CNTNAP2: variants seen among roughly 807,000 people sequenced by gnomAD.
CNTNAP2 encodes the protein contactin-associated protein-like 2.
CNTNAP2 carries 98 observed loss-of-function variants against 155.2 expected under a neutral mutation model. That is an observed-to-expected ratio of 0.63 (90% CI 0.54 to 0.75). CNTNAP2 has a LOEUF of 0.75. Among genes scored for constraint, CNTNAP2 ranks in the 30% least tolerant of loss-of-function variants. The pLI is 0.00. For synonymous variants in CNTNAP2, 651 were observed against 631.2 expected (o/e 1.03, Z -0.47); for missense variants, 1,727 against 1,688.1 (o/e 1.02, Z -0.40).
chr7:148,097,389 AAAATT>A (rs1360186460), intron 15 of CNTNAP2, among the ~76,000 whole-genome samples: 2 of 151,588 alleles, frequency 1.3e-5, no homozygotes, highest in African/African-American at 2.4e-5. Flanking sequence ...TAAAAATAAA[AAAATT>A]AAATAGTTTG....
chr7:147,225,786 GGAAGGAAGGAAGGAAA>G (rs1273346685), intron 8 of CNTNAP2, among the ~76,000 whole-genome samples: 49 of 94,884 alleles, frequency 5.2e-4, no homozygotes, highest in South Asian at 5.5e-4. Flanking sequence ...AAGGAAGGAA[GGAAGGAAGGAAGGAAA>G]GAAAGAAAGA....
At chr7:148,357,746 T>TA (rs112515726) in intron 21 of CNTNAP2, among the ~76,000 whole-genome samples, 7,239 of 152,296 alleles carry the variant, frequency 0.048, 522 homozygotes, top group African/African-American at 0.16. Flanking sequence ...AGCATACTAA[T>TA]AAAATTTCTG....
At chr7:148,267,350 G>A (rs920841267) in intron 21 of CNTNAP2, among the ~76,000 whole-genome samples, 4 of 151,840 alleles carry the variant, frequency 2.6e-5, no homozygotes, top group Non-Finnish European at 5.9e-5. Flanking sequence ...AAGCTAATTC[G>A]CCTTTGAAAT....
intron 3 of CNTNAP2, among the ~76,000 whole-genome samples, chr7:146,904,898 C>T (rs1432732319): frequency 6.6e-6 from 1 of 152,122 alleles, no homozygotes; most frequent in African/African-American, 2.4e-5. Context: ...AGAAGGGAAC[C>T]AAGAGTAACA....
chr7:147,803,412 G>A (rs932638427), intron 13 of CNTNAP2, among the ~76,000 whole-genome samples: 6 of 152,142 alleles, frequency 3.9e-5, no homozygotes, highest in African/African-American at 7.2e-5. Context: ...CACTCTGCCC[G>A]TGGACCTGCT....
At chr7:146,449,132 T>C (rs6943651) in intron 1 of CNTNAP2, among the ~76,000 whole-genome samples, 280 of 152,290 alleles carry the variant, frequency 1.8e-3, no homozygotes, top group African/African-American at 6.6e-3. Flanking sequence ...TATTGAGTTT[T>C]TTATTTTGCT....
chr7:147,720,183 CTT>C (rs1796543568), intron 13 of CNTNAP2, among the ~76,000 whole-genome samples: 1 of 152,082 alleles, frequency 6.6e-6, no homozygotes, highest in African/African-American at 2.4e-5. Flanking sequence ...GCTAATGACT[CTT>C]AATTTCATTC....
chr7:148,058,461 TG>T (rs1239995010), intron 15 of CNTNAP2, among the ~76,000 whole-genome samples: 1 of 152,074 alleles, frequency 6.6e-6, no homozygotes, highest in South Asian at 2.1e-4. Flanking sequence ...GGATGCAGCT[TG>T]GGGCAGCCAA....
At chr7:147,735,155 A>G (rs1425513252) in intron 13 of CNTNAP2, among the ~76,000 whole-genome samples, 1 of 152,110 alleles carries the variant, frequency 6.6e-6, no homozygotes, top group Non-Finnish European at 1.5e-5. Context: ...TCTTGTGGGC[A>G]TTTAGTGCTA....
At chr7:148,210,084 T>G (rs556918281) in intron 18 of CNTNAP2, among the ~76,000 whole-genome samples, 84 of 152,302 alleles carry the variant, frequency 5.5e-4, no homozygotes, top group African/African-American at 1.9e-3. Flanking sequence ...AAGAATGGAT[T>G]AAAAAGACTG....
intron 3 of CNTNAP2, among the ~76,000 whole-genome samples, chr7:146,948,427 C>T (rs924993078): frequency 6.6e-6 from 1 of 151,322 alleles, no homozygotes; most frequent in Admixed American, 6.6e-5. Flanking sequence ...TATTGCTTAT[C>T]TTTATTTGTT....
At chr7:148,099,331 C>T (rs1804045424) in intron 15 of CNTNAP2, among the ~76,000 whole-genome samples, 1 of 151,576 alleles carries the variant, frequency 6.6e-6, no homozygotes, top group African/African-American at 2.4e-5. Flanking sequence ...TTAATAACTC[C>T]ATGAATTTAG....
intron 1 of CNTNAP2, among the ~76,000 whole-genome samples, chr7:146,498,681 C>CAAAA (rs35142261): frequency 7.1e-6 from 1 of 140,340 alleles, no homozygotes. Flanking sequence ...AAGAAAGTTG[C>CAAAA]AAAAAAAAAA....
At chr7:146,776,267 T>C (rs923048929) in intron 2 of CNTNAP2, among the ~76,000 whole-genome samples, 1 of 152,164 alleles carries the variant, frequency 6.6e-6, no homozygotes, top group Non-Finnish European at 1.5e-5. Flanking sequence ...ATAAAGCACC[T>C]GTGAGGAATG....
chr7:148,203,221 G>T (rs1431941766), intron 18 of CNTNAP2, among the ~76,000 whole-genome samples: 1 of 152,044 alleles, frequency 6.6e-6, no homozygotes, highest in Non-Finnish European at 1.5e-5. Context: ...ATATGTATAT[G>T]GCCAAATTGG....
chr7:146,998,067 C>A (rs899359169), intron 3 of CNTNAP2, among the ~76,000 whole-genome samples: 12 of 151,720 alleles, frequency 7.9e-5, no homozygotes, highest in African/African-American at 2.9e-4. Flanking sequence ...ATTATTTCCT[C>A]CCTTCCTTCT....
chr7:147,067,612 A>G (rs1799807018), intron 4 of CNTNAP2, among the ~76,000 whole-genome samples: 1 of 152,210 alleles, frequency 6.6e-6, no homozygotes, highest in Admixed American at 6.5e-5. Context: ...AAGAAGAGAT[A>G]ATCTGAACTG....
chr7:146,711,709 A>ATATAGTATACACATCTTATGTATACATG, intron 1 of CNTNAP2, among the ~76,000 whole-genome samples: 1 of 146,078 alleles, frequency 6.8e-6, no homozygotes, highest in African/African-American at 2.4e-5. Flanking sequence ...ATGTATACAT[A>ATATAGTATACACATCTTATGTATACATG]TATAGTATAC....
intron 9 of CNTNAP2, among the ~76,000 whole-genome samples, chr7:147,300,711 T>C (rs1193142258): frequency 6.6e-6 from 1 of 152,156 alleles, no homozygotes; most frequent in Non-Finnish European, 1.5e-5. Context: ...GAGTCTTTCA[T>C]GAGGTTGACG....
Sources: allele counts gnomAD v4.1 joint callset (sites outside exome capture counted in the v4.1 genomes callset), GRCh38; gene constraint gnomAD v4.1.1; transcripts MANE v1.5; gene names NCBI Gene and HGNC (gene_info 2026-07-23, HGNC 2026-07-21).